OLAH: variants seen among roughly 807,000 people sequenced by gnomAD.
The protein encoded by OLAH is oleoyl-ACP hydrolase.
A neutral mutation model predicts 27.8 loss-of-function variants in OLAH; 33 were observed. That is an observed-to-expected ratio of 1.19 (90% CI 0.90 to 1.59). The LOEUF (loss-of-function observed/expected upper bound fraction) is 1.59, where lower values mean the gene tolerates loss of function less well. OLAH is among the 40% of genes most tolerant of loss of function. OLAH has a pLI of 0.00. For missense variants in OLAH, 359 were observed against 310.8 expected, an observed-to-expected ratio of 1.16 and a Z score of -1.17; for synonymous variants, 120 against 102.9, an observed-to-expected ratio of 1.17 and a Z score of -1.01.
intron 3 of OLAH, 86 bp downstream of exon 3, chr10:15,049,851 C>T (rs1014916972): frequency 6.9e-6 from 9 of 1,295,436 alleles, no homozygotes; most frequent in Non-Finnish European, 7.5e-6. Flanking sequence ...TCAAGACTTT[C>T]CTTCCTGGTA....
chr10:15,061,612 TATC>T, intron 3 of OLAH, 109 bp from the exon 4 acceptor site: 1 of 1,003,194 alleles, frequency 1.0e-6, no homozygotes, highest in Non-Finnish European at 1.4e-6. Flanking sequence ...ACTTAACTGT[TATC>T]ATTCATTTCT....
At chr10:15,037,406 C>A (rs1843857708) in intron 1 of OLAH, among the ~76,000 whole-genome samples, 1 of 152,032 alleles carries the variant, frequency 6.6e-6, no homozygotes, top group African/African-American at 2.4e-5. Flanking sequence ...CATGGTGAAA[C>A]CCCGTCTCTA....
chr10:15,073,051 G>T (rs752801226), intron 7 of OLAH, 36 bp from the exon 8 acceptor site: 2 of 1,596,708 alleles, frequency 1.3e-6, no homozygotes, highest in South Asian at 2.2e-5. Flanking sequence ...AGTTGCTGTT[G>T]GTGTTGTTAT....
intron 1 of OLAH, among the ~76,000 whole-genome samples, chr10:15,038,432 A>G (rs1353518614): frequency 2.0e-5 from 3 of 152,294 alleles, no homozygotes; most frequent in Middle Eastern, 3.4e-3. Flanking sequence ...CCGAAATTTC[A>G]TCTCGAATTG....
intron 3 of OLAH, chr10:15,056,767 A>G: frequency 7.6e-7 from 1 of 1,323,992 alleles, no homozygotes; most frequent in Non-Finnish European, 9.7e-7. Flanking sequence ...AGTAGCTGGG[A>G]CTACAGGCAT....
chr10:15,040,354 G>C (rs1289305683), upstream of OLAH, among the ~76,000 whole-genome samples: 1 of 152,158 alleles, frequency 6.6e-6, no homozygotes, highest in Non-Finnish European at 1.5e-5. Context: ...AAAGCTGGCT[G>C]ACACCAGTGG....
intron 2 of OLAH, among the ~76,000 whole-genome samples, chr10:15,049,135 CA>C (rs1245857554): frequency 8.9e-4 from 69 of 77,674 alleles, no homozygotes; most frequent in Middle Eastern, 9.3e-3. Flanking sequence ...ACTATGTCTC[CA>C]AAAAAAAAAA....
intron 1 of OLAH, among the ~76,000 whole-genome samples, chr10:15,036,962 C>T (rs1010446885): frequency 1.3e-5 from 2 of 151,668 alleles, no homozygotes; most frequent in Admixed American, 6.6e-5. Context: ...GTCTGTAATC[C>T]CAGATACTCC....
At chr10:15,070,926 C>G (rs113240764) in intron 6 of OLAH, among the ~76,000 whole-genome samples, 108 of 151,794 alleles carry the variant, frequency 7.1e-4, no homozygotes, top group Non-Finnish European at 1.3e-3. Context: ...GCTGGAACTA[C>G]AAGTACATGA....
intron 2 of OLAH, among the ~76,000 whole-genome samples, chr10:15,048,025 C>A (rs925452206): frequency 2.6e-5 from 4 of 152,076 alleles, no homozygotes; most frequent in Admixed American, 6.5e-5. Context: ...GGGTTTAGAA[C>A]CTCATATTTG....
intron 1 of OLAH, among the ~76,000 whole-genome samples, chr10:15,045,754 T>C (rs1052542472): frequency 1.3e-5 from 2 of 152,068 alleles, no homozygotes; most frequent in Non-Finnish European, 2.9e-5. Context: ...ATACTTGGGA[T>C]CCAAGGAGCT....
chr10:15,035,043 G>A (rs1310833654), intron 1 of OLAH, among the ~76,000 whole-genome samples: 1 of 152,044 alleles, frequency 6.6e-6, no homozygotes, highest in Non-Finnish European at 1.5e-5. Context: ...GTCGTGATCC[G>A]CCCACCTCGG....
chr10:15,035,418 G>GAAGCCT lies in OLAH; in HGVS notation c.-164+3069_-164+3074dup, dbSNP rs372618624. Among the ~76,000 whole-genome samples the GAAGCCT allele has an allele frequency of 7.0e-3, 1,072 of 152,270 alleles. 13 individuals carry two copies. The highest frequency in any genetic ancestry group is 0.025 in the African/African-American group (1,023 of 41,536). On this transcript the variant is annotated intron_variant, in intron 1 of 3. Coordinates refer to the OLAH transcript ENST00000413672. ...GCATCTGCTTCTAGGGAGGCCTCCA[G>GAAGCCT]AAGCCTTGACTCATGGGGGAAGGGG...
chr10:15,044,371 T>C (rs1843974937), intron 1 of OLAH, among the ~76,000 whole-genome samples: 1 of 152,076 alleles, frequency 6.6e-6, no homozygotes, highest in Non-Finnish European at 1.5e-5. Flanking sequence ...TCACAGATAA[T>C]GTAAGGAACT....
intron 4 of OLAH, among the ~76,000 whole-genome samples, chr10:15,062,801 C>T (rs1044645014): frequency 2.6e-5 from 4 of 151,086 alleles, no homozygotes; most frequent in Admixed American, 2.0e-4. Context: ...TGCAGTGGCA[C>T]GATCTCAGCT....
intron 3 of OLAH, chr10:15,056,739 T>TC: frequency 1.6e-6 from 2 of 1,261,588 alleles, no homozygotes; most frequent in Non-Finnish European, 2.0e-6. Flanking sequence ...CAAGTGATCC[T>TC]CCCACCTCAG....
chr10:15,073,068 C>G lies in OLAH; in HGVS notation c.656-19C>G. 6.2e-7 allele frequency: 1 copy of G among 1,608,946 alleles called. No homozygotes were observed. The highest frequency in any genetic ancestry group is 8.5e-7 in the Non-Finnish European group (1 of 1,177,680). The stretch of plus-strand genomic sequence containing the variant: ...TTGCTGTTGGTGTTGTTATTGAATA[C>G]AATCTTGTTTATTTTCAGCCTGGAA... On this transcript the variant is annotated intron_variant, in intron 7 of 7. Transcript: ENST00000378228.
intron 1 of OLAH, among the ~76,000 whole-genome samples, chr10:15,035,684 T>C (rs17156234): frequency 0.045 from 6,796 of 152,102 alleles, 226 homozygotes; most frequent in African/African-American, 0.092. Flanking sequence ...CCAAGTTTTC[T>C]TCCCAGTCAA....
chr10:15,035,625 AG>A (rs1237588011), intron 1 of OLAH, among the ~76,000 whole-genome samples: 1 of 152,078 alleles, frequency 6.6e-6, no homozygotes, highest in Non-Finnish European at 1.5e-5. Flanking sequence ...CACCTCCAGC[AG>A]GGGGGATGAC....
Sources: allele counts gnomAD v4.1 joint callset (sites outside exome capture counted in the v4.1 genomes callset), GRCh38; gene constraint gnomAD v4.1.1; transcripts MANE v1.5; gene names NCBI Gene and HGNC (gene_info 2026-07-23, HGNC 2026-07-21).